FAM178B: variants seen among roughly 807,000 people sequenced by gnomAD.
FAM178B encodes the protein family with sequence similarity 178 member B, also known as protein FAM178B.
A neutral mutation model predicts 91.7 loss-of-function variants in FAM178B; 82 were observed. The observed-to-expected ratio is 0.89, with a 90% confidence interval of 0.75 to 1.07. The LOEUF is 1.07. Among genes scored for constraint, FAM178B ranks in the 50% least tolerant of loss-of-function variants. FAM178B has a pLI of 0.00. For synonymous variants in FAM178B, 368 were observed against 359.4 expected (o/e 1.02, Z -0.27); for missense variants, 769 against 846.7 (o/e 0.91, Z 1.14).
At chr2:96,928,977 C>A (rs993196085) in intron 9 of FAM178B, among the ~76,000 whole-genome samples, 12 of 151,896 alleles carry the variant, frequency 7.9e-5, no homozygotes, top group African/African-American at 1.2e-4. Context: ...TAGGGAGACC[C>A]CCCCCCGCCA....
At chr2:96,958,508 C>T (rs555957334) in intron 6 of FAM178B, among the ~76,000 whole-genome samples, 2 of 151,404 alleles carry the variant, frequency 1.3e-5, no homozygotes, top group African/African-American at 2.4e-5. Context: ...GGCAACATGG[C>T]GAGACCCCCA....
intron 5 of FAM178B, among the ~76,000 whole-genome samples, 197 bp downstream of exon 5, chr2:96,967,323 C>T (rs1410432938): frequency 1.3e-5 from 2 of 152,156 alleles, no homozygotes; most frequent in Non-Finnish European, 2.9e-5. Context: ...CAAATGAGAC[C>T]CTGATGCACA....
intron 10 of FAM178B, among the ~76,000 whole-genome samples, chr2:96,921,997 C>T (rs1402771479): frequency 6.6e-6 from 1 of 152,092 alleles, no homozygotes; most frequent in Non-Finnish European, 1.5e-5. Flanking sequence ...ACAAAGACCC[C>T]GCTGATAAAA....
chr2:96,889,486 C>T (rs1178847276), intron 14 of FAM178B, among the ~76,000 whole-genome samples: 2 of 151,750 alleles, frequency 1.3e-5, no homozygotes, highest in East Asian at 1.9e-4. Flanking sequence ...TGAGACCAGC[C>T]CGGCCAACAT....
Position 96,905,816 on chromosome 2 carries a change from GTGTATATATATATATATATATATA to G in FAM178B, c.1563-3133_1563-3110del, listed in dbSNP as rs1193495535. ...TATACACAAAAATATACATATATGT[GTGTATATATATATATATATATATA>G]TATATATATATATATATATATTTTT... On this transcript the variant is annotated intron_variant, in intron 12 of 16. Transcript: ENST00000490605. 2.7e-3 allele frequency among the ~76,000 whole-genome samples: 99 copies of G among 36,742 alleles called. 1 individual carries two copies. The highest frequency in any genetic ancestry group is 0.01 in the African/African-American group (82 of 7,950). 24.1% of individuals were successfully genotyped at this position (36,742 alleles called of 152,430 possible).
chr2:96,952,584 G>A (rs924681938), intron 6 of FAM178B, among the ~76,000 whole-genome samples: 3 of 152,186 alleles, frequency 2.0e-5, no homozygotes, highest in Admixed American at 1.3e-4. Context: ...TGCAAAATGA[G>A]TTGTTGAAAT....
At chr2:96,877,824 G>A in intron 16 of FAM178B, 66 bp downstream of exon 16, 1 of 1,509,954 alleles carries the variant, frequency 6.6e-7, no homozygotes, top group Admixed American at 1.9e-5. Context: ...TGTGCTGGTG[G>A]CTCTGGCCAG....
intron 8 of FAM178B, among the ~76,000 whole-genome samples, chr2:96,939,413 G>A (rs1269396849): frequency 1.3e-5 from 2 of 151,028 alleles, no homozygotes; most frequent in East Asian, 2.0e-4. Context: ...GGAGAATGGC[G>A]TGAACCTGGG....
At chr2:96,915,010 G>T (rs949795017) in intron 12 of FAM178B, among the ~76,000 whole-genome samples, 3 of 152,104 alleles carry the variant, frequency 2.0e-5, no homozygotes, top group Admixed American at 6.5e-5. Context: ...AGGGAAGGAG[G>T]AGTCTCCACG....
chr2:96,948,787 G>A (rs945237619), intron 7 of FAM178B, among the ~76,000 whole-genome samples: 1 of 152,218 alleles, frequency 6.6e-6, no homozygotes, highest in African/African-American at 2.4e-5. Flanking sequence ...CCTAGTGCAA[G>A]GTCACAGCCC....
intron 12 of FAM178B, among the ~76,000 whole-genome samples, chr2:96,907,846 T>C (rs2081084078): frequency 6.6e-6 from 1 of 152,206 alleles, no homozygotes; most frequent in African/African-American, 2.4e-5. Flanking sequence ...GGAGGAGAAC[T>C]GGGCCCTGCC....
intron 5 of FAM178B, among the ~76,000 whole-genome samples, chr2:96,965,244 G>C (rs1229601077): frequency 6.6e-6 from 1 of 152,108 alleles, no homozygotes. Flanking sequence ...CTTGGCTCAA[G>C]TGATTCACCT....
At chr2:96,878,157 C>G in intron 15 of FAM178B, 115 bp from the exon 16 acceptor site, 1 of 1,202,602 alleles carries the variant, frequency 8.3e-7, no homozygotes, top group South Asian at 1.3e-5. Flanking sequence ...AGTGACTGTT[C>G]AGAAGTTGAG....
chr2:96,955,759 C>T (rs1274840112), intron 6 of FAM178B, among the ~76,000 whole-genome samples: 20 of 152,170 alleles, frequency 1.3e-4, no homozygotes, highest in Non-Finnish European at 2.2e-4. Flanking sequence ...TTGCTACCTC[C>T]GCTTGCTCTT....
chr2:96,908,396 T>C (rs1207904992), intron 12 of FAM178B, among the ~76,000 whole-genome samples: 1 of 152,182 alleles, frequency 6.6e-6, no homozygotes, highest in African/African-American at 2.4e-5. Flanking sequence ...TTTATATAAA[T>C]GTTTAAAAAC....
rs1423263007 is a variant in FAM178B, at chr2:96,905,840, A to ACG, written c.1563-3134_1563-3133insCG. Among the ~76,000 whole-genome samples the ACG allele has an allele frequency of 1.8e-3, 50 of 27,674 alleles. 2 individuals are homozygous for ACG. Among genetic ancestry groups the ACG allele is most frequent in the Non-Finnish European group, 3.2e-3 (34 of 10,604 alleles). The allele number at this position is 27,674 out of a possible 152,430, so 18.2% of individuals were successfully genotyped here. A position where few individuals can be genotyped will look rare whatever the true frequency, so the allele number is the denominator to read the frequency against. ...TGTGTATATATATATATATATATAT[A>ACG]TATATATATATATATATATATTTTT... On this transcript the variant is annotated intron_variant, in intron 12 of 16. Coordinates refer to ENST00000490605, the MANE Select transcript of FAM178B (RefSeq NM_001122646.3).
rs145987204 is a variant in FAM178B at position 96,907,688 on chromosome 2, G to C, written c.1563-4981C>G. On this transcript the variant is annotated intron_variant, in intron 12 of 16. Transcript: ENST00000490605. The stretch of plus-strand genomic sequence containing the variant: ...ATGACTTTTCCAAACCCGCAGCAGG[G>C]CCAGAAGTGGAATGCCAGCGCTCTG... Among the ~76,000 whole-genome samples the C allele has an allele frequency of 1.3e-3, 203 of 152,366 alleles. 1 individual carries two copies. Among genetic ancestry groups the C allele is most frequent in the Admixed American group, 4.7e-3 (72 of 15,310 alleles).
At chr2:96,933,663 T>C (rs2081579276) in intron 8 of FAM178B, among the ~76,000 whole-genome samples, 1 of 152,174 alleles carries the variant, frequency 6.6e-6, no homozygotes, top group African/African-American at 2.4e-5. Context: ...GCTCCATTCT[T>C]ATCCTCCCCA....
intron 14 of FAM178B, among the ~76,000 whole-genome samples, chr2:96,883,268 A>G (rs892780362): frequency 6.6e-6 from 1 of 152,234 alleles, no homozygotes; most frequent in Non-Finnish European, 1.5e-5. Flanking sequence ...CTTTTGTCAT[A>G]GACGAAAGGG....
Sources: gnomAD v4.1 joint callset for allele counts (sites outside exome capture counted in the v4.1 genomes callset) on GRCh38, gnomAD v4.1.1 for gene constraint, MANE v1.5 for transcripts, NCBI Gene and HGNC (gene_info 2026-07-23, HGNC 2026-07-21) for gene names.